The following PRIMPOL variants were observed in gnomAD, a reference collection of about 807,000 sequenced individuals.
PRIMPOL encodes the protein primase and DNA directed polymerase.
Under a neutral mutation model 63.6 loss-of-function variants are expected in PRIMPOL, and 54 were observed. The ratio of observed to expected loss-of-function variants is 0.85; its 90% CI spans 0.68 to 1.07. The LOEUF (loss-of-function observed/expected upper bound fraction) is 1.07, where lower values mean the gene tolerates loss of function less well. PRIMPOL is among the 50% of genes least tolerant of loss of function. The probability of loss-of-function intolerance (pLI) is 0.00; values close to 1 mark genes in which losing one functional copy is unlikely to be tolerated. For synonymous variants in PRIMPOL, 197 were observed against 220.2 expected (o/e 0.89, Z 0.93); for missense variants, 610 against 648.3 (o/e 0.94, Z 0.64).
At chr4:184,678,527 T>C in intron 8 of PRIMPOL, 133 bp downstream of exon 8, 2 of 204,192 alleles carry the variant, frequency 9.8e-6, no homozygotes, top group South Asian at 1.5e-4. Context: ...TTACAGCTCT[T>C]TTTTTTTTTT....
At chr4:184,651,197 A>G (rs1744300831) in intron 1 of PRIMPOL, among the ~76,000 whole-genome samples, 4 of 152,132 alleles carry the variant, frequency 2.6e-5, no homozygotes, top group African/African-American at 7.2e-5. Flanking sequence ...AGGCTGAGGC[A>G]GGAGAATCGC....
chr4:184,694,267 T>C (rs1335603089), intron 13 of PRIMPOL: 2 of 1,200,890 alleles, frequency 1.7e-6, no homozygotes, highest in African/African-American at 3.1e-5. Context: ...TCGGGGAGTA[T>C]TGAAAAGTAT....
intron 7 of PRIMPOL, among the ~76,000 whole-genome samples, chr4:184,677,519 A>G (rs546256473): frequency 8.9e-4 from 44 of 49,516 alleles, no homozygotes; most frequent in African/African-American, 1.5e-3. Context: ...TTTATATATT[A>G]GATAGGCACG....
chr4:184,672,074 G>T (rs1011296614), intron 6 of PRIMPOL, 99 bp from the exon 7 acceptor site: 6 of 1,153,910 alleles, frequency 5.2e-6, no homozygotes, highest in African/African-American at 3.1e-5. Flanking sequence ...TCAAAAAATG[G>T]TTTTCTGTGT....
intron 6 of PRIMPOL, 24 bp from the exon 7 acceptor site, chr4:184,672,149 A>C (rs781451291): frequency 1.3e-6 from 2 of 1,589,552 alleles, no homozygotes; most frequent in East Asian, 4.5e-5. Context: ...GATCCAGGTG[A>C]ATGATAATAG....
intron 8 of PRIMPOL, among the ~76,000 whole-genome samples, chr4:184,679,618 T>C (rs60022249): frequency 0.13 from 19,884 of 152,226 alleles, 1,374 homozygotes; most frequent in Middle Eastern, 0.18. Context: ...TGTTAGAAGG[T>C]AGTGGTCCCT....
chr4:184,675,423 T>C (rs1753032035), intron 7 of PRIMPOL, among the ~76,000 whole-genome samples: 1 of 152,234 alleles, frequency 6.6e-6, no homozygotes, highest in South Asian at 2.1e-4. Context: ...CTTAACTTTT[T>C]CTAATTATTT....
chr4:184,689,555 C>T (rs1241905208), intron 11 of PRIMPOL, among the ~76,000 whole-genome samples: 6 of 64,772 alleles, frequency 9.3e-5, no homozygotes, highest in African/African-American at 2.3e-4. Flanking sequence ...TGGCTTCAAG[C>T]AATTCTCCTG....
At chr4:184,673,214 C>T (rs1450187216) in intron 7 of PRIMPOL, among the ~76,000 whole-genome samples, 5 of 151,208 alleles carry the variant, frequency 3.3e-5, no homozygotes, top group Admixed American at 6.6e-5. Flanking sequence ...ACTGCAAGCT[C>T]CGCCTCCCGG....
At chr4:184,650,348 G>T (rs1743895721) in intron 1 of PRIMPOL, among the ~76,000 whole-genome samples, 1 of 152,230 alleles carries the variant, frequency 6.6e-6, no homozygotes, top group Admixed American at 6.5e-5. Context: ...GGGCCGAGAG[G>T]TCCTTCTGCA....
chr4:184,694,938 T>C lies in PRIMPOL; in HGVS notation c.*159T>C, dbSNP rs115257498. ...TCTGTAAACCAATTTCATTAAAAAT[T>C]AGCTTTGGTGTAAATTCAGGAGAAA... On this transcript the variant is annotated 3_prime_UTR_variant, in exon 14 of 14. Transcript: ENST00000314970. 1,707 of 617,506 alleles carry C rather than the reference T, an allele frequency of 2.8e-3. 23 individuals carry two copies. The African/African-American group carries it at 0.029, about 10-fold the overall frequency. The allele number at this position is 617,506 out of a possible 1,614,324, so 38.3% of individuals were successfully genotyped here. A position where few individuals can be genotyped will look rare whatever the true frequency, so the allele number is the denominator to read the frequency against.
At position 184,661,841 on chromosome 4, in the gene PRIMPOL, G is replaced by C. The variant is rs749907414; in HGVS notation, c.346G>C (p.Glu116Gln). 6.2e-7 allele frequency: 1 copy of C among 1,613,666 alleles called. No homozygotes were observed. Among genetic ancestry groups the C allele is most frequent in the Non-Finnish European group, 8.5e-7 (1 of 1,179,774 alleles). ...TGTGTGCAAGCTTTATTTTGATTTG[G>C]AATTTAACAAACCTGCCAACCCAGG... Reference protein sequence around the residue: ...NAVCKLYFDLEFNKPANPGAD... With the variant: ...NAVCKLYFDLQFNKPANPGAD... Residue 116 changes from glutamate to glutamine, a missense_variant, in exon 5 of 14, where the codon GAA becomes CAA. Physicochemically the swap from Glu to Gln is conservative, Grantham distance 29. Around this residue, in one of 3 missense-constraint regions of PRIMPOL, gnomAD observed 159 missense variants for 168.9 expected, o/e 0.94. Transcript: ENST00000314970.
At chr4:184,673,160 C>T (rs1330274335) in intron 7 of PRIMPOL, among the ~76,000 whole-genome samples, 1 of 149,504 alleles carries the variant, frequency 6.7e-6, no homozygotes, top group African/African-American at 2.5e-5. Context: ...GACGGAGTCC[C>T]GCTCTTTAGC....
chr4:184,673,350 C>T (rs1752392495), intron 7 of PRIMPOL, among the ~76,000 whole-genome samples: 1 of 151,650 alleles, frequency 6.6e-6, no homozygotes, highest in African/African-American at 2.4e-5. Context: ...AAGATGGTCT[C>T]GATCTCCTGA....
intron 5 of PRIMPOL, 60 bp from the exon 6 acceptor site, chr4:184,665,857 C>T: frequency 8.6e-7 from 1 of 1,166,798 alleles, no homozygotes; most frequent in East Asian, 2.6e-5. Flanking sequence ...ATGCTTATTG[C>T]TTATAGAAAA....
chr4:184,655,728 T>C (rs1746236012), intron 2 of PRIMPOL, among the ~76,000 whole-genome samples: 1 of 152,242 alleles, frequency 6.6e-6, no homozygotes, highest in Non-Finnish European at 1.5e-5. Context: ...AGACAATGTT[T>C]ATCAACTCAA....
intron 6 of PRIMPOL, among the ~76,000 whole-genome samples, chr4:184,668,327 G>A (rs959850448): frequency 6.6e-6 from 1 of 152,238 alleles, no homozygotes; most frequent in African/African-American, 2.4e-5. Context: ...TATCATCCTT[G>A]CCCTCTCTGT....
intron 6 of PRIMPOL, among the ~76,000 whole-genome samples, chr4:184,670,592 A>G (rs1007730878): frequency 6.9e-6 from 1 of 143,900 alleles, no homozygotes; most frequent in Non-Finnish European, 1.5e-5. Context: ...TCTGTCACCT[A>G]GGCTGGAGTG....
At chr4:184,678,864 C>T (rs970030125) in intron 8 of PRIMPOL, among the ~76,000 whole-genome samples, 2 of 151,988 alleles carry the variant, frequency 1.3e-5, no homozygotes, top group Non-Finnish European at 2.9e-5. Context: ...TCTCTTTTCT[C>T]CATTAGCTAA....
Sources: gnomAD v4.1 joint callset for allele counts (sites outside exome capture counted in the v4.1 genomes callset) on GRCh38, gnomAD v4.1.1 for gene constraint, gnomAD v4.1.1 regional missense constraint, MANE v1.5 for transcripts, NCBI Gene and HGNC (gene_info 2026-07-23, HGNC 2026-07-21) for gene names.